Variants in PXDNL observed in about 807,000 individuals in gnomAD.
The protein encoded by PXDNL is probable oxidoreductase PXDNL.
In PXDNL, 145 loss-of-function variants were observed where a neutral mutation model predicts 150.8. The observed-to-expected ratio is 0.96, with a 90% CI of 0.84 to 1.10. The LOEUF is 1.10. Among genes scored for constraint, PXDNL ranks in the 50% least tolerant of loss-of-function variants. PXDNL has a pLI of 0.00. For missense variants in PXDNL, 2,087 were observed against 1,873.9 expected (o/e 1.11, Z -2.10); for synonymous variants, 757 against 725.7 (o/e 1.04, Z -0.69).
intron 6 of PXDNL, among the ~76,000 whole-genome samples, chr8:51,481,157 G>C (rs1810596466): frequency 6.6e-6 from 1 of 152,172 alleles, no homozygotes; most frequent in Admixed American, 6.5e-5. Flanking sequence ...GAACCTCCGA[G>C]AGACTTGTTT....
chr8:51,402,209 T>A (rs1808271947), intron 17 of PXDNL, among the ~76,000 whole-genome samples: 1 of 152,178 alleles, frequency 6.6e-6, no homozygotes, highest in Non-Finnish European at 1.5e-5. Context: ...GTTACTTAAT[T>A]GGTGAAATAT....
chr8:51,404,901 G>A (rs1808392307), intron 17 of PXDNL, among the ~76,000 whole-genome samples: 1 of 152,166 alleles, frequency 6.6e-6, no homozygotes, highest in African/African-American at 2.4e-5. Flanking sequence ...GGCTCGGGCT[G>A]CACAGGAGCC....
At chr8:51,803,639 CA>C in intron 1 of PXDNL, among the ~76,000 whole-genome samples, 1 of 152,290 alleles carries the variant, frequency 6.6e-6, no homozygotes, top group Admixed American at 6.5e-5. Context: ...TGCACAGCTG[CA>C]AGGGGGGCAC....
At chr8:51,494,526 A>G (rs1378799881) in intron 5 of PXDNL, among the ~76,000 whole-genome samples, 1 of 152,188 alleles carries the variant, frequency 6.6e-6, no homozygotes, top group East Asian at 1.9e-4. Context: ...TGCTGTATTT[A>G]GCAAACCCAT....
chr8:51,542,396 C>T (rs770055346), intron 4 of PXDNL, among the ~76,000 whole-genome samples: 13 of 151,578 alleles, frequency 8.6e-5, no homozygotes, highest in Non-Finnish European at 1.8e-4. Flanking sequence ...GAAATCTTAA[C>T]CCCAAATATA....
chr8:51,399,919 T>C (rs16916198), intron 17 of PXDNL, among the ~76,000 whole-genome samples: 1,989 of 152,332 alleles, frequency 0.013, 40 homozygotes, highest in African/African-American at 0.044. Context: ...GAGGAACAAC[T>C]GAATGTCTTT....
chr8:51,644,614 C>G (rs890742509), intron 2 of PXDNL, among the ~76,000 whole-genome samples: 1 of 18,842 alleles, frequency 5.3e-5, no homozygotes, highest in East Asian at 1.8e-3. Flanking sequence ...CTCCTGCCAC[C>G]GCGCCCAGCT....
At chr8:51,465,669 C>A (rs1810189611) in intron 8 of PXDNL, among the ~76,000 whole-genome samples, 1 of 152,070 alleles carries the variant, frequency 6.6e-6, no homozygotes, top group African/African-American at 2.4e-5. Flanking sequence ...CCACCAAAGC[C>A]TCCTAGAACT....
At chr8:51,645,687 T>G (rs1056314060) in intron 2 of PXDNL, among the ~76,000 whole-genome samples, 1 of 152,246 alleles carries the variant, frequency 6.6e-6, no homozygotes, top group East Asian at 1.9e-4. Context: ...GGCCACCTGA[T>G]AGAATAAAAG....
intron 1 of PXDNL, among the ~76,000 whole-genome samples, chr8:51,669,699 A>G (rs1256141329): frequency 6.6e-6 from 1 of 152,334 alleles, no homozygotes; most frequent in East Asian, 1.9e-4. Context: ...AATGACTATC[A>G]AAAGCAAAAT....
intron 12 of PXDNL, among the ~76,000 whole-genome samples, chr8:51,433,471 C>G (rs949937176): frequency 2.6e-5 from 4 of 151,988 alleles, no homozygotes; most frequent in African/African-American, 9.6e-5. Context: ...ATATTTTGTA[C>G]AGAGATTAAG....
intron 4 of PXDNL, among the ~76,000 whole-genome samples, chr8:51,523,923 C>G (rs778099212): frequency 6.6e-6 from 1 of 152,196 alleles, no homozygotes; most frequent in Non-Finnish European, 1.5e-5. Flanking sequence ...AAAGGAAAAT[C>G]TCCATGATGT....
chr8:51,356,863 C>A (rs909826683), intron 19 of PXDNL, among the ~76,000 whole-genome samples: 2 of 152,194 alleles, frequency 1.3e-5, no homozygotes, highest in Non-Finnish European at 1.5e-5. Flanking sequence ...GGTTCCTTAT[C>A]TTTTCTTAAT....
chr8:51,574,523 G>A (rs1813010456), intron 3 of PXDNL, among the ~76,000 whole-genome samples: 1 of 151,900 alleles, frequency 6.6e-6, no homozygotes, highest in South Asian at 2.1e-4. Flanking sequence ...AACAATGACT[G>A]AAAACTTCCA....
chr8:51,412,627 T>C (rs556957737), intron 15 of PXDNL, among the ~76,000 whole-genome samples: 1 of 152,366 alleles, frequency 6.6e-6, no homozygotes, highest in South Asian at 2.1e-4. Flanking sequence ...TATCCGATTA[T>C]GATGAAATCA....
At chr8:51,786,295 A>C (rs2037459976) in intron 1 of PXDNL, among the ~76,000 whole-genome samples, 1 of 151,770 alleles carries the variant, frequency 6.6e-6, no homozygotes, top group African/African-American at 2.4e-5. Flanking sequence ...TGCAACCTCC[A>C]CCTCCTGAGC....
In PXDNL at chr8:51,475,102, C is replaced by T; in HGVS notation, c.564G>A (p.Leu188=). 6.2e-7 allele frequency: 1 copy of T among 1,613,946 alleles called. No individual in the cohort carries two copies. The highest frequency in any genetic ancestry group is 8.5e-7 in the Non-Finnish European group (1 of 1,179,846). Residue 188 remains leucine (L), a synonymous_variant, in exon 7 of 23, where the codon CTG becomes CTA. Transcript: ENST00000356297. ...DSNALVCDCD[L]MWLGELLQGF... ...CTTGTAAAAGCTCCCCCAGCCACAT[C>T]AGATCACAGTCACAAACCAGGGCGT...
intron 1 of PXDNL, among the ~76,000 whole-genome samples, chr8:51,683,733 A>C (rs746767608): frequency 6.6e-6 from 1 of 152,158 alleles, no homozygotes; most frequent in Non-Finnish European, 1.5e-5. Flanking sequence ...TTGATAGAAC[A>C]TGCTTTCAGG....
At chr8:51,334,342 G>A (rs1374702108) in intron 21 of PXDNL, among the ~76,000 whole-genome samples, 1 of 152,056 alleles carries the variant, frequency 6.6e-6, no homozygotes, top group Admixed American at 6.6e-5. Flanking sequence ...AAAGTTTATA[G>A]CCCTAAATGT....
Sources: allele counts gnomAD v4.1 joint callset (sites outside exome capture counted in the v4.1 genomes callset), GRCh38; gene constraint gnomAD v4.1.1; transcripts MANE v1.5; gene names NCBI Gene and HGNC (gene_info 2026-07-23, HGNC 2026-07-21).